The following CTDSPL variants were observed in gnomAD, a reference collection of about 807,000 sequenced individuals.
CTDSPL encodes CTD small phosphatase like, also known as CTD small phosphatase-like protein.
CTDSPL carries 8 observed loss-of-function variants against 30.5 expected under a neutral mutation model. The observed-to-expected ratio is 0.26, with a 90% confidence interval of 0.15 to 0.47. The LOEUF (loss-of-function observed/expected upper bound fraction) is 0.47. CTDSPL is among the 20% of genes least tolerant of loss of function. The pLI, the probability that CTDSPL is intolerant of heterozygous loss-of-function variation, is 0.99. For synonymous variants in CTDSPL, 110 were observed against 137.9 expected (o/e 0.80, Z 1.42); for missense variants, 248 against 366.1 (o/e 0.68, Z 2.63).
chr3:37,924,357 T>A (rs1357977596), intron 1 of CTDSPL, among the ~76,000 whole-genome samples: 1 of 152,208 alleles, frequency 6.6e-6, no homozygotes, highest in Non-Finnish European at 1.5e-5. Context: ...GGTTATGAAG[T>A]CCAGAGTTGA....
intron 1 of CTDSPL, among the ~76,000 whole-genome samples, chr3:37,881,230 T>C (rs1698200210): frequency 6.6e-6 from 1 of 152,046 alleles, no homozygotes. Context: ...GAAGAGATCA[T>C]ATAAATACAA....
chr3:37,958,550 G>A (rs933320150), intron 3 of CTDSPL, among the ~76,000 whole-genome samples: 8 of 152,094 alleles, frequency 5.3e-5, no homozygotes, highest in Non-Finnish European at 1.0e-4. Context: ...TGGCAGCCAC[G>A]TGCAAAGTTA....
chr3:37,964,430 C>T, intron 3 of CTDSPL, 141 bp from the exon 4 acceptor site: 1 of 543,254 alleles, frequency 1.8e-6, no homozygotes, highest in Non-Finnish European at 3.3e-6. Context: ...ACTTTAGTTG[C>T]AAACTACTTA....
chr3:37,880,899 A>G (rs1185510351), intron 1 of CTDSPL, among the ~76,000 whole-genome samples: 2 of 152,132 alleles, frequency 1.3e-5, no homozygotes, highest in Non-Finnish European at 2.9e-5. Flanking sequence ...TTAGTGGCTT[A>G]TGGACCCTCT....
chr3:37,914,175 A>G (rs934533686), intron 1 of CTDSPL, among the ~76,000 whole-genome samples: 3 of 151,946 alleles, frequency 2.0e-5, no homozygotes, highest in African/African-American at 7.3e-5. Context: ...ACTCCTATTT[A>G]TTTTATATTT....
intron 1 of CTDSPL, among the ~76,000 whole-genome samples, chr3:37,914,859 A>G (rs1698625915): frequency 7.0e-6 from 1 of 142,146 alleles, no homozygotes; most frequent in Non-Finnish European, 1.5e-5. Flanking sequence ...GAGTTTATAT[A>G]AGATATATAT....
chr3:37,872,565 C>CT (rs1559621233), intron 1 of CTDSPL, among the ~76,000 whole-genome samples: 13 of 73,506 alleles, frequency 1.8e-4, no homozygotes, highest in East Asian at 1.2e-3. Flanking sequence ...TTTTTAAATT[C>CT]TTTTATCTTT....
intron 1 of CTDSPL, among the ~76,000 whole-genome samples, chr3:37,938,383 A>T (rs528467271): frequency 5.3e-5 from 8 of 150,576 alleles, no homozygotes; most frequent in African/African-American, 1.9e-4. Flanking sequence ...GTCACTGGTT[A>T]TATGGCATGG....
chr3:37,890,675 G>A (rs1250951625), intron 1 of CTDSPL, among the ~76,000 whole-genome samples: 1 of 152,124 alleles, frequency 6.6e-6, no homozygotes, highest in Non-Finnish European at 1.5e-5. Flanking sequence ...AGCATGGTGG[G>A]TAGAGCACAG....
chr3:37,900,442 A>C lies in CTDSPL; in HGVS notation c.79+38164A>C, dbSNP rs536260571. ...AAGGGTCACATTTTGACAGTGAAGA[A>C]AATGTTTGGCTTCTATTGATACAAA... On this transcript the variant is annotated intron_variant, in intron 1 of 7. Transcript: ENST00000273179. Among the ~76,000 whole-genome samples, 3 of 152,346 alleles carry C rather than the reference A, an allele frequency of 2.0e-5. No individual in the cohort carries two copies. The South Asian group carries it at 6.2e-4, about 32-fold the overall frequency.
intron 4 of CTDSPL, among the ~76,000 whole-genome samples, chr3:37,965,634 T>TG (rs1473431830): frequency 6.6e-6 from 1 of 152,210 alleles, no homozygotes; most frequent in Non-Finnish European, 1.5e-5. Flanking sequence ...ATGGGGCATG[T>TG]GTCTCACATG....
intron 1 of CTDSPL, among the ~76,000 whole-genome samples, chr3:37,935,389 T>C (rs1698903696): frequency 6.6e-6 from 1 of 152,260 alleles, no homozygotes; most frequent in African/African-American, 2.4e-5. Flanking sequence ...TTTTAACCTT[T>C]ACTTCCTCTT....
chr3:37,926,972 T>A (rs922566747), intron 1 of CTDSPL, among the ~76,000 whole-genome samples: 2 of 152,202 alleles, frequency 1.3e-5, no homozygotes, highest in Non-Finnish European at 2.9e-5. Flanking sequence ...TAGTGCATCA[T>A]TGGGCGAAGT....
intron 1 of CTDSPL, among the ~76,000 whole-genome samples, chr3:37,894,263 AT>A (rs377589276): frequency 0.056 from 8,155 of 146,044 alleles, 274 homozygotes; most frequent in African/African-American, 0.099. Context: ...AAAAAAAGTT[AT>A]TTTTTTTTTT....
chr3:37,884,478 G>GATGTTTGC (rs1296352976), intron 1 of CTDSPL, among the ~76,000 whole-genome samples: 1 of 152,214 alleles, frequency 6.6e-6, no homozygotes, highest in Admixed American at 6.5e-5. Flanking sequence ...TATTGTTTAA[G>GATGTTTGC]ATGTTTGCAT....
At chr3:37,923,495 AT>A (rs1236378886) in intron 1 of CTDSPL, among the ~76,000 whole-genome samples, 2 of 152,146 alleles carry the variant, frequency 1.3e-5, no homozygotes, top group Admixed American at 6.5e-5. Flanking sequence ...TGTGGTGTCT[AT>A]TTTGAAATAT....
At chr3:37,892,775 G>A (rs572939007) in intron 1 of CTDSPL, among the ~76,000 whole-genome samples, 1 of 152,076 alleles carries the variant, frequency 6.6e-6, no homozygotes, top group African/African-American at 2.4e-5. Flanking sequence ...TTACAGAAGT[G>A]GGGGGGATAG....
chr3:37,981,422 AGGGAGGGG>A lies in CTDSPL; in HGVS notation c.*556_*563del. The stretch of plus-strand genomic sequence containing the variant: ...TGTGTGTGTGTGGCGGGGGGTGCTG[AGGGAGGGG>A]AGTGAGTCACAGGAGCCTGTCCCCC... On this transcript the variant is annotated 3_prime_UTR_variant, in exon 8 of 8. Transcript: ENST00000273179. 1.2e-5 allele frequency: 2 copies of A among 172,296 alleles called. No homozygotes were observed. The highest frequency in any genetic ancestry group is 1.2e-4 in the South Asian group (1 of 8,694). The allele number at this position is 172,296 out of a possible 1,614,324, so 10.7% of individuals were successfully genotyped here.
chr3:37,915,971 A>T (rs946042510), intron 1 of CTDSPL, among the ~76,000 whole-genome samples: 6 of 152,104 alleles, frequency 3.9e-5, no homozygotes, highest in African/African-American at 1.4e-4. Context: ...TATGACTGTG[A>T]TTTCATTTTC....
Sources: gnomAD v4.1 joint callset for allele counts (sites outside exome capture counted in the v4.1 genomes callset) on GRCh38, gnomAD v4.1.1 for gene constraint, MANE v1.5 for transcripts, NCBI Gene and HGNC (gene_info 2026-07-23, HGNC 2026-07-21) for gene names.